UGGT2: variants seen among roughly 807,000 people sequenced by gnomAD.
UGGT2 encodes the protein UDP-glucose glycoprotein glucosyltransferase 2, also known as UDP-glucose:glycoprotein glucosyltransferase 2.
Under a neutral mutation model 192.1 loss-of-function variants are expected in UGGT2, and 180 were observed. That is an observed-to-expected ratio of 0.94 (90% confidence interval 0.83 to 1.06). UGGT2 has a LOEUF of 1.06. Ranked by LOEUF, UGGT2 falls within the 50% of genes least tolerant of loss-of-function variation. The pLI is 0.00. For synonymous variants in UGGT2, 580 were observed against 591.0 expected, an observed-to-expected ratio of 0.98 and a Z score of 0.27; for missense variants, 1,849 against 1,795.7, an observed-to-expected ratio of 1.03 and a Z score of -0.54.
chr13:95,885,930 G>A (rs1401070398), intron 26 of UGGT2, among the ~76,000 whole-genome samples: 3 of 151,868 alleles, frequency 2.0e-5, no homozygotes, highest in Non-Finnish European at 4.4e-5. Context: ...ATTTAGTTAA[G>A]AAGGAATGAA....
At chr13:95,868,415 G>A (rs112398013) in intron 29 of UGGT2, among the ~76,000 whole-genome samples, 2 of 152,238 alleles carry the variant, frequency 1.3e-5, no homozygotes, top group South Asian at 4.1e-4. Flanking sequence ...GGGCAACAGT[G>A]AGACCTCGTC....
At chr13:96,022,888 C>T in intron 4 of UGGT2, 152 bp downstream of exon 4, 1 of 430,872 alleles carries the variant, frequency 2.3e-6, no homozygotes. Flanking sequence ...CAAGACAAAA[C>T]ATTCTCAGAT....
intron 11 of UGGT2, among the ~76,000 whole-genome samples, chr13:95,970,473 CTTATTA>C (rs1010347809): frequency 1.5e-4 from 23 of 151,822 alleles, no homozygotes; most frequent in African/African-American, 5.6e-4. Flanking sequence ...GTAGTAAAAA[CTTATTA>C]TTATATAAAA....
At chr13:95,939,712 T>C (rs530698643) in intron 16 of UGGT2, among the ~76,000 whole-genome samples, 1 of 152,284 alleles carries the variant, frequency 6.6e-6, no homozygotes, top group Non-Finnish European at 1.5e-5. Flanking sequence ...GTATAAAATA[T>C]GTCATTAACT....
intron 1 of UGGT2, among the ~76,000 whole-genome samples, chr13:96,042,697 T>C (rs1400966870): frequency 6.6e-6 from 1 of 151,444 alleles, no homozygotes; most frequent in African/African-American, 2.4e-5. Context: ...CAGGAAACAA[T>C]GGACGCACTT....
At chr13:95,815,544 G>C (rs996062212) in intron 38 of UGGT2, among the ~76,000 whole-genome samples, 7 of 152,266 alleles carry the variant, frequency 4.6e-5, no homozygotes, top group Middle Eastern at 3.4e-3. Flanking sequence ...AACTCTGCTA[G>C]GAGTAATTAA....
At chr13:95,857,401 A>G (rs911549342) in intron 33 of UGGT2, among the ~76,000 whole-genome samples, 1 of 152,300 alleles carries the variant, frequency 6.6e-6, no homozygotes, top group South Asian at 2.1e-4. Context: ...TAGAGGAAGT[A>G]GGTAGAAATA....
chr13:95,890,974 T>G lies in UGGT2; in HGVS notation c.2856-10A>C. On this transcript the variant is annotated splice_polypyrimidine_tract_variant and intron_variant, in intron 24 of 38. Coordinates refer to ENST00000376747, the MANE Select transcript of UGGT2 (RefSeq NM_020121.4). ...ATTCGTCTTTATAACACTAAGAAAA[T>G]AGAAAATAAGATGAAAGATGACGTG... is the stretch of plus-strand genomic sequence containing the variant. 6.3e-7 allele frequency: 1 copy of G among 1,577,238 alleles called. No homozygotes were observed. Among genetic ancestry groups the G allele is most frequent in the Non-Finnish European group, 8.7e-7 (1 of 1,151,376 alleles).
chr13:95,978,283 G>C (rs1351018584), intron 10 of UGGT2, among the ~76,000 whole-genome samples: 2 of 152,170 alleles, frequency 1.3e-5, no homozygotes, highest in Admixed American at 6.5e-5. Context: ...GCATTTCCCT[G>C]ACGATTAGTG....
At chr13:96,025,826 T>A (rs930540207) in intron 2 of UGGT2, among the ~76,000 whole-genome samples, 1 of 151,900 alleles carries the variant, frequency 6.6e-6, no homozygotes, top group African/African-American at 2.4e-5. Context: ...AAAATAATAC[T>A]AGAAAATACA....
At chr13:95,857,727 G>GAA (rs982335907) in intron 33 of UGGT2, among the ~76,000 whole-genome samples, 3 of 152,072 alleles carry the variant, frequency 2.0e-5, no homozygotes, top group African/African-American at 7.2e-5. Flanking sequence ...AATTTTGAAT[G>GAA]AAAGAAACAC....
At chr13:95,814,071 C>A (rs1342972960) in intron 38 of UGGT2, among the ~76,000 whole-genome samples, 1 of 152,248 alleles carries the variant, frequency 6.6e-6, no homozygotes, top group Non-Finnish European at 1.5e-5. Flanking sequence ...CAGAAGCCTG[C>A]TGCAAGGGTA....
At chr13:95,855,036 C>T (rs1265960377) in intron 34 of UGGT2, among the ~76,000 whole-genome samples, 2 of 141,554 alleles carry the variant, frequency 1.4e-5, no homozygotes, top group African/African-American at 5.2e-5. Flanking sequence ...ATGTGTGGGG[C>T]TCAGATGGGA....
intron 9 of UGGT2, chr13:95,985,101 G>A (rs2051247894): frequency 3.1e-6 from 1 of 323,158 alleles, no homozygotes; most frequent in South Asian, 3.3e-5. Context: ...CAGTTATACT[G>A]ACTTAGCATC....
intron 5 of UGGT2, among the ~76,000 whole-genome samples, chr13:96,002,615 T>G (rs1431091691): frequency 4.6e-5 from 7 of 152,328 alleles, no homozygotes; most frequent in African/African-American, 1.7e-4. Context: ...ATAATCTTTA[T>G]GTAGATTATG....
intron 17 of UGGT2, among the ~76,000 whole-genome samples, chr13:95,932,864 T>C (rs574185893): frequency 6.6e-6 from 1 of 152,354 alleles, no homozygotes; most frequent in East Asian, 1.9e-4. Context: ...TTGTTTTAAA[T>C]TCTGTGTATG....
intron 22 of UGGT2, among the ~76,000 whole-genome samples, chr13:95,898,409 A>G (rs918087285): frequency 6.6e-6 from 1 of 152,006 alleles, no homozygotes; most frequent in African/African-American, 2.4e-5. Flanking sequence ...AATAGCAGAC[A>G]TGATTCACAG....
At chr13:95,838,081 T>C (rs1041985236) in intron 36 of UGGT2, among the ~76,000 whole-genome samples, 1 of 152,204 alleles carries the variant, frequency 6.6e-6, no homozygotes, top group Non-Finnish European at 1.5e-5. Flanking sequence ...AAAAAACTTC[T>C]GGAACTGATA....
intron 9 of UGGT2, among the ~76,000 whole-genome samples, chr13:95,985,842 G>T (rs2051273432): frequency 6.6e-6 from 1 of 152,130 alleles, no homozygotes; most frequent in Non-Finnish European, 1.5e-5. Context: ...CATGGAAGCA[G>T]TTCAACGAGA....
Sources: allele counts gnomAD v4.1 joint callset (sites outside exome capture counted in the v4.1 genomes callset), GRCh38; gene constraint gnomAD v4.1.1; transcripts MANE v1.5; gene names NCBI Gene and HGNC (gene_info 2026-07-23, HGNC 2026-07-21).